The following ROR1 variants were observed in gnomAD, a reference collection of about 807,000 sequenced individuals.
The protein encoded by ROR1 is ROR family WNT receptor 1.
Under a neutral mutation model 78.8 loss-of-function variants are expected in ROR1, and 19 were observed. That is an observed-to-expected ratio of 0.24 (90% CI 0.17 to 0.35). The LOEUF (loss-of-function observed/expected upper bound fraction) is 0.35, where lower values mean the gene tolerates loss of function less well. Among genes scored for constraint, ROR1 ranks in the 10% least tolerant of loss-of-function variants. The probability of loss-of-function intolerance (pLI) is 1.00; values close to 1 mark genes in which losing one functional copy is unlikely to be tolerated. For missense variants in ROR1, 917 were observed against 1,177.8 expected (o/e 0.78, Z 3.24); for synonymous variants, 386 against 433.6 (o/e 0.89, Z 1.36).
Position 63,885,900 on chromosome 1 carries a change from G to A in ROR1, c.91+111392G>A, listed in dbSNP as rs1015129364. 4.6e-5 allele frequency among the ~76,000 whole-genome samples: 7 copies of A among 152,086 alleles called. No individual in the cohort carries two copies. In the East Asian group the frequency reaches 7.7e-4, roughly 17 times the overall value. Reference sequence around the variant, plus strand: ...TTTTGGAATGATCCAAGCACATTACGTTTATTTTGCACTCTCTATTATTAT... The same window carrying A: ...TTTTGGAATGATCCAAGCACATTACATTTATTTTGCACTCTCTATTATTAT... On this transcript the variant is annotated intron_variant, in intron 1 of 8. Coordinates refer to ENST00000371079, the MANE Select transcript of ROR1 (RefSeq NM_005012.4).
rs2100482026 is a variant in ROR1, at chr1:63,958,980, G to A, written c.92-50325G>A. On this transcript the variant is annotated intron_variant, in intron 1 of 8. Coordinates refer to ENST00000371079, the MANE Select transcript of ROR1 (RefSeq NM_005012.4). ...TAGAGATCTGTTAGTAAAGAATAAG[G>A]GAAGAGTTGTGTATTAGTCTGTTCT... 2.6e-5 allele frequency among the ~76,000 whole-genome samples: 4 copies of A among 152,242 alleles called. No homozygotes were observed. The South Asian group carries it at 8.3e-4, about 32-fold the overall frequency.
At position 64,042,319 on chromosome 1, in the gene ROR1, A is replaced by G. The variant is rs144401095; in HGVS notation, c.164-7372A>G. 4.1e-4 allele frequency among the ~76,000 whole-genome samples: 62 copies of G among 152,274 alleles called. 1 individual carries two copies. The East Asian group carries it at 9.5e-3, about 23-fold the overall frequency. On this transcript the variant is annotated intron_variant, in intron 2 of 8. Coordinates refer to ENST00000371079, the MANE Select transcript of ROR1 (RefSeq NM_005012.4). ...TTTTGATATTCCAGAGATGGATTAA[A>G]TCCTTTAACCCCCACAACATCCCTA...
intron 1 of ROR1, among the ~76,000 whole-genome samples, chr1:63,871,362 C>T (rs1315122347): frequency 1.3e-5 from 2 of 152,114 alleles, no homozygotes; most frequent in African/African-American, 4.8e-5. Flanking sequence ...TTAGCAAGTG[C>T]TTCAGTGAAA....
At chr1:63,835,370 A>G (rs981647870) in intron 1 of ROR1, among the ~76,000 whole-genome samples, 2 of 152,166 alleles carry the variant, frequency 1.3e-5, no homozygotes, top group African/African-American at 4.8e-5. Context: ...GAGTAGGTCA[A>G]TTGCCAGCAT....
At chr1:63,930,763 A>G (rs1645745008) in intron 1 of ROR1, among the ~76,000 whole-genome samples, 2 of 152,226 alleles carry the variant, frequency 1.3e-5, no homozygotes, top group African/African-American at 2.4e-5. Context: ...TTAGATAGCA[A>G]TATGTGAAGT....
At chr1:64,027,490 TACCATTC>T (rs1484349963) in intron 2 of ROR1, among the ~76,000 whole-genome samples, 2 of 152,232 alleles carry the variant, frequency 1.3e-5, no homozygotes, top group Non-Finnish European at 1.5e-5. Flanking sequence ...TTGCGGTTTT[TACCATTC>T]ACTTGCATCT....
chr1:63,970,975 C>T (rs967022755), intron 1 of ROR1, among the ~76,000 whole-genome samples: 7 of 152,176 alleles, frequency 4.6e-5, no homozygotes, highest in African/African-American at 9.7e-5. Context: ...AAAGCAAAAG[C>T]GAGCCTGGCT....
intron 4 of ROR1, among the ~76,000 whole-genome samples, chr1:64,131,420 A>G (rs60071047): frequency 0.016 from 2,433 of 152,156 alleles, 61 homozygotes; most frequent in African/African-American, 0.055. Context: ...GCTCATGCTT[A>G]TATCAGTTTA....
chr1:63,851,664 G>A (rs1029363030), intron 1 of ROR1, among the ~76,000 whole-genome samples: 3 of 152,204 alleles, frequency 2.0e-5, no homozygotes, highest in African/African-American at 7.2e-5. Flanking sequence ...TGGTCATGGA[G>A]TAATATTCTT....
At chr1:64,153,296 G>C (rs754723347) in intron 7 of ROR1, among the ~76,000 whole-genome samples, 5 of 152,156 alleles carry the variant, frequency 3.3e-5, no homozygotes, top group Non-Finnish European at 5.9e-5. Flanking sequence ...ATTGTGATCT[G>C]TTGATAGGAA....
At chr1:63,884,185 C>G (rs1390471314) in intron 1 of ROR1, among the ~76,000 whole-genome samples, 1 of 152,180 alleles carries the variant, frequency 6.6e-6, no homozygotes, top group Non-Finnish European at 1.5e-5. Flanking sequence ...TCTTCGTACC[C>G]CTTTGATGTC....
intron 4 of ROR1, among the ~76,000 whole-genome samples, chr1:64,123,599 GT>G (rs1291625953): frequency 6.6e-6 from 1 of 152,136 alleles, no homozygotes; most frequent in Admixed American, 6.6e-5. Context: ...TGTACAAACA[GT>G]TCATGTAATA....
At chr1:64,159,678 T>TA (rs1649882482) in intron 8 of ROR1, among the ~76,000 whole-genome samples, 1 of 136,440 alleles carries the variant, frequency 7.3e-6, no homozygotes, top group Non-Finnish European at 1.7e-5. Context: ...TGTGTTTTTT[T>TA]ACCACGATTT....
At chr1:64,044,999 C>A (rs1245085337) in intron 2 of ROR1, among the ~76,000 whole-genome samples, 1 of 152,084 alleles carries the variant, frequency 6.6e-6, no homozygotes, top group African/African-American at 2.4e-5. Flanking sequence ...ACAGGCAATG[C>A]ATGATGTTAC....
At position 63,825,019 on chromosome 1, in the gene ROR1, C is replaced by T. The variant is rs1005964047; in HGVS notation, c.91+50511C>T. 4.6e-5 allele frequency among the ~76,000 whole-genome samples: 7 copies of T among 152,088 alleles called. No homozygotes were observed. The South Asian group carries it at 1.5e-3, about 32-fold the overall frequency. On this transcript the variant is annotated intron_variant, in intron 1 of 8. Coordinates refer to ENST00000371079, the MANE Select transcript of ROR1 (RefSeq NM_005012.4). The stretch of plus-strand genomic sequence containing the variant: ...CACAGAATGGCTATGATTAAAAAAA[C>T]AACTAACAATACCAAGCATTGGTAA...
intron 2 of ROR1, among the ~76,000 whole-genome samples, chr1:64,019,392 C>T (rs1646546643): frequency 6.6e-6 from 1 of 152,152 alleles, no homozygotes; most frequent in South Asian, 2.1e-4. Flanking sequence ...TTTCCCCCAT[C>T]TGTAAAATGG....
At chr1:63,985,011 A>G (rs1028314701) in intron 1 of ROR1, among the ~76,000 whole-genome samples, 3 of 152,136 alleles carry the variant, frequency 2.0e-5, no homozygotes, top group African/African-American at 7.2e-5. Context: ...CTTGGACTTC[A>G]TTGTGAGTTT....
intron 1 of ROR1, among the ~76,000 whole-genome samples, chr1:63,895,767 T>C (rs1417745500): frequency 1.3e-5 from 2 of 152,206 alleles, no homozygotes; most frequent in Non-Finnish European, 2.9e-5. Flanking sequence ...TGTTCTTTGA[T>C]AACTGTTGAA....
intron 1 of ROR1, among the ~76,000 whole-genome samples, chr1:63,922,931 C>A (rs1645669076): frequency 6.6e-6 from 1 of 152,082 alleles, no homozygotes; most frequent in Admixed American, 6.6e-5. Flanking sequence ...AGTGACCATC[C>A]GGCTAAGAAA....
Sources: gnomAD v4.1 joint callset for allele counts (sites outside exome capture counted in the v4.1 genomes callset) on GRCh38, gnomAD v4.1.1 for gene constraint, MANE v1.5 for transcripts, NCBI Gene and HGNC (gene_info 2026-07-23, HGNC 2026-07-21) for gene names.